The following CNTN5 variants were observed in gnomAD, a reference collection of about 807,000 sequenced individuals.
CNTN5 encodes the protein contactin-5.
A neutral mutation model predicts 129.1 loss-of-function variants in CNTN5; 77 were observed. The ratio of observed to expected loss-of-function variants is 0.60; its 90% CI spans 0.50 to 0.72. CNTN5 has a LOEUF of 0.72. Ranked by LOEUF, CNTN5 falls within the 30% of genes least tolerant of loss-of-function variation. The pLI is 0.00. For missense variants in CNTN5, 1,478 were observed against 1,328.8 expected (o/e 1.11, Z -1.75); for synonymous variants, 509 against 465.6 (o/e 1.09, Z -1.20).
intron 21 of CNTN5, among the ~76,000 whole-genome samples, chr11:100,336,232 T>C (rs1952036670): frequency 6.6e-6 from 1 of 152,298 alleles, no homozygotes; most frequent in Non-Finnish European, 1.5e-5. Context: ...ATTAATCTAA[T>C]ATGTGGAAAA....
intron 2 of CNTN5, among the ~76,000 whole-genome samples, chr11:99,540,733 C>T (rs768428637): frequency 1.5e-4 from 23 of 151,942 alleles, no homozygotes; most frequent in African/African-American, 2.2e-4. Flanking sequence ...GTCTGAGCTA[C>T]GGGGCTATGT....
intron 21 of CNTN5, among the ~76,000 whole-genome samples, chr11:100,327,164 G>C (rs570684963): frequency 1.3e-5 from 2 of 152,278 alleles, no homozygotes; most frequent in East Asian, 3.9e-4. Context: ...AAACCTAATT[G>C]TGCCACAGGC....
intron 1 of CNTN5, among the ~76,000 whole-genome samples, chr11:99,148,022 G>A (rs1004249452): frequency 2.0e-5 from 3 of 151,934 alleles, no homozygotes; most frequent in Non-Finnish European, 4.4e-5. Context: ...CAATAGTAGG[G>A]ATTTAATAGT....
chr11:99,735,500 G>A (rs112553744), intron 3 of CNTN5, among the ~76,000 whole-genome samples: 6,360 of 103,534 alleles, frequency 0.061, 438 homozygotes, highest in African/African-American at 0.24. Flanking sequence ...TGAATTTATT[G>A]ACTCACTATT....
chr11:99,883,181 C>T (rs1422231904), intron 6 of CNTN5, among the ~76,000 whole-genome samples: 5 of 152,152 alleles, frequency 3.3e-5, no homozygotes, highest in Admixed American at 6.6e-5. Context: ...CAACAAACAT[C>T]GGAGTGCAGA....
At chr11:100,220,247 A>G (rs1178051526) in intron 15 of CNTN5, among the ~76,000 whole-genome samples, 11 of 152,152 alleles carry the variant, frequency 7.2e-5, no homozygotes, top group African/African-American at 2.6e-4. Context: ...AGTGCACTCC[A>G]GCCTGGGTGA....
At chr11:99,339,912 G>GA (rs146793097) in intron 2 of CNTN5, among the ~76,000 whole-genome samples, 12,251 of 149,456 alleles carry the variant, frequency 0.082, 556 homozygotes, top group Middle Eastern at 0.12. Context: ...TCATTTTTTA[G>GA]AAAAAAAAAA....
At chr11:100,342,416 T>G (rs1227768181) in intron 23 of CNTN5, among the ~76,000 whole-genome samples, 2 of 152,092 alleles carry the variant, frequency 1.3e-5, no homozygotes, top group Non-Finnish European at 2.9e-5. Context: ...TGATGAACAA[T>G]ATCCCAAACT....
chr11:99,712,739 C>A (rs1230120259), intron 3 of CNTN5, among the ~76,000 whole-genome samples: 1 of 151,990 alleles, frequency 6.6e-6, no homozygotes, highest in East Asian at 1.9e-4. Context: ...ATAGAGAATC[C>A]TTTCCCTATT....
chr11:99,079,098 A>G (rs1011181506), intron 1 of CNTN5, among the ~76,000 whole-genome samples: 1 of 152,136 alleles, frequency 6.6e-6, no homozygotes, highest in African/African-American at 2.4e-5. Flanking sequence ...AATTAACAAA[A>G]TACAATAACT....
chr11:100,033,726 C>T (rs1250511067), intron 9 of CNTN5, among the ~76,000 whole-genome samples: 2 of 152,188 alleles, frequency 1.3e-5, no homozygotes, highest in Non-Finnish European at 2.9e-5. Flanking sequence ...AATGGTCTCA[C>T]TATAATTGTA....
chr11:99,271,477 A>G (rs1356740604), intron 1 of CNTN5, among the ~76,000 whole-genome samples: 1 of 151,898 alleles, frequency 6.6e-6, no homozygotes, highest in African/African-American at 2.4e-5. Context: ...GACTCAAATC[A>G]TAATAACACT....
chr11:99,428,915 A>C (rs1943250941), intron 2 of CNTN5, among the ~76,000 whole-genome samples: 1 of 152,132 alleles, frequency 6.6e-6, no homozygotes, highest in Non-Finnish European at 1.5e-5. Flanking sequence ...AGGATTTAGC[A>C]ATTTTCATTA....
At chr11:100,345,025 A>T (rs937641163) in intron 23 of CNTN5, among the ~76,000 whole-genome samples, 1 of 152,178 alleles carries the variant, frequency 6.6e-6, no homozygotes, top group Non-Finnish European at 1.5e-5. Context: ...AAATAGCACA[A>T]GATAAAACAG....
chr11:99,296,565 A>G (rs1864398889), intron 1 of CNTN5, among the ~76,000 whole-genome samples: 1 of 152,212 alleles, frequency 6.6e-6, no homozygotes, highest in Non-Finnish European at 1.5e-5. Flanking sequence ...CTTTATAAAT[A>G]TTTAAATGGC....
intron 1 of CNTN5, among the ~76,000 whole-genome samples, chr11:99,197,590 A>G (rs981235518): frequency 9.9e-5 from 15 of 152,092 alleles, no homozygotes; most frequent in Non-Finnish European, 1.9e-4. Context: ...TAAAGAGACC[A>G]TTAAAAAAGA....
intron 3 of CNTN5, among the ~76,000 whole-genome samples, chr11:99,770,883 A>C (rs1274917206): frequency 6.6e-6 from 1 of 152,148 alleles, no homozygotes; most frequent in Non-Finnish European, 1.5e-5. Flanking sequence ...AGCTGGAGGC[A>C]TCACAGCTTT....
intron 1 of CNTN5, among the ~76,000 whole-genome samples, chr11:99,154,267 C>T (rs1050023903): frequency 6.6e-6 from 1 of 152,176 alleles, no homozygotes; most frequent in African/African-American, 2.4e-5. Context: ...AGTGTCCATG[C>T]TTGCACTTGC....
At chr11:99,977,709 A>G (rs1174209996) in intron 8 of CNTN5, among the ~76,000 whole-genome samples, 1 of 152,188 alleles carries the variant, frequency 6.6e-6, no homozygotes, top group East Asian at 1.9e-4. Context: ...AACCACCACC[A>G]TGATCTAGTT....
Sources: gnomAD v4.1 joint callset for allele counts (sites outside exome capture counted in the v4.1 genomes callset) on GRCh38, gnomAD v4.1.1 for gene constraint, MANE v1.5 for transcripts, NCBI Gene and HGNC (gene_info 2026-07-23, HGNC 2026-07-21) for gene names.